The following TRIM66 variants were observed in gnomAD, a reference collection of about 807,000 sequenced individuals.
TRIM66 encodes tripartite motif containing 66.
TRIM66 carries 99 observed loss-of-function variants against 148.2 expected under a neutral mutation model. That is an observed-to-expected ratio of 0.67 (90% confidence interval 0.57 to 0.79). The LOEUF is 0.79. Among genes scored for constraint, TRIM66 ranks in the 30% least tolerant of loss-of-function variants. The probability of loss-of-function intolerance (pLI) is 0.00; values close to 1 mark genes in which losing one functional copy is unlikely to be tolerated. For synonymous variants in TRIM66, 616 were observed against 635.9 expected, an observed-to-expected ratio of 0.97 and a Z score of 0.47; for missense variants, 1,666 against 1,697.9, an observed-to-expected ratio of 0.98 and a Z score of 0.33.
chr11:8,632,614 T>A (rs2035521152), intron 15 of TRIM66, among the ~76,000 whole-genome samples: 1 of 151,986 alleles, frequency 6.6e-6, no homozygotes, highest in Non-Finnish European at 1.5e-5. Context: ...TCCACCACCA[T>A]GCCCAGCTAA....
At chr11:8,683,176 C>G, upstream of TRIM66, 2 of 1,613,348 alleles carry the variant, frequency 1.2e-6, no homozygotes, top group South Asian at 1.1e-5. Flanking sequence ...TTCCTTAGGC[C>G]TTACCACCAA....
rs2033739567 is a variant in TRIM66, at chr11:8,616,647, T to G, written c.*1297A>C. 6.6e-6 allele frequency: 1 copy of G among 152,218 alleles called. No individual in the cohort carries two copies. The highest frequency in any genetic ancestry group is 1.5e-5 in the Non-Finnish European group (1 of 68,060). 9.4% of individuals were successfully genotyped at this position (152,218 alleles called of 1,614,324 possible). ...TCCCATGGCTTCCAGAATGCTTCTC[T>G]CTGCATTCTAGGAGAACTAAGGCTC... On this transcript the variant is annotated 3_prime_UTR_variant, in exon 25 of 25. Transcript: ENST00000646038.
At chr11:8,643,903 A>T (rs939016478) in intron 12 of TRIM66, among the ~76,000 whole-genome samples, 2 of 152,128 alleles carry the variant, frequency 1.3e-5, no homozygotes, top group Non-Finnish European at 2.9e-5. Flanking sequence ...GGGCTTTGGC[A>T]AGTGTCCAAC....
At chr11:8,632,977 A>T (rs1351658928) in intron 15 of TRIM66, among the ~76,000 whole-genome samples, 1 of 152,188 alleles carries the variant, frequency 6.6e-6, no homozygotes, top group Non-Finnish European at 1.5e-5. Context: ...GAGGACAGAA[A>T]AAGTAAAGAG....
At chr11:8,625,357 G>T in intron 15 of TRIM66, 129 bp from the exon 16 acceptor site, 1 of 939,482 alleles carries the variant, frequency 1.1e-6, no homozygotes, top group South Asian at 2.1e-5. Context: ...GGTAGCTGCT[G>T]GTAGCTGCCA....
At chr11:8,664,295 T>C (rs1023750646) in intron 6 of TRIM66, among the ~76,000 whole-genome samples, 7 of 152,216 alleles carry the variant, frequency 4.6e-5, no homozygotes, top group African/African-American at 1.4e-4. Flanking sequence ...AAAATATTTA[T>C]ATTTGCTGGC....
chr11:8,625,154 C>A lies in TRIM66; in HGVS notation c.2385G>T (p.Arg795Ser). 6.5e-7 allele frequency: 1 copy of A among 1,546,210 alleles called. No individual in the cohort carries two copies. The highest frequency in any genetic ancestry group is 8.7e-7 in the Non-Finnish European group (1 of 1,143,328). The change falls in exon 16 of 25, where the codon AGG (arginine) becomes AGT (serine). Residue 795 changes from arginine to serine, a missense_variant. Physicochemically the swap from Arg to Ser is moderately radical, Grantham distance 110 (BLOSUM62 -1). Coordinates refer to ENST00000646038, the MANE Select transcript of TRIM66 (RefSeq NM_001388022.1). The part of the protein sequence containing the change: ...EMELSSTRLE[R>S]PLEPQIQSVS... ...CACTCTGGATCTGTGGCTCTAGGGG[C>A]CTCTCCAACCTGGTAGATGACAACT...
chr11:8,663,187 A>G (rs1437295143), intron 6 of TRIM66: 1 of 152,208 alleles, frequency 6.6e-6, no homozygotes, highest in Non-Finnish European at 1.5e-5. Flanking sequence ...TCTCCTCAGT[A>G]CCTGAGAGGT....
At chr11:8,618,686 C>T in intron 24 of TRIM66, 64 bp downstream of exon 24, 1 of 1,443,958 alleles carries the variant, frequency 6.9e-7, no homozygotes, top group Non-Finnish European at 9.4e-7. Flanking sequence ...TTAGGTTCTG[C>T]TTGGGTGCCC....
intron 6 of TRIM66, among the ~76,000 whole-genome samples, chr11:8,655,087 T>C (rs746740533): frequency 6.6e-6 from 1 of 152,170 alleles, no homozygotes; most frequent in Non-Finnish European, 1.5e-5. Context: ...CTCGAACTCC[T>C]GACCTCAAGT....
At chr11:8,638,563 C>T in intron 15 of TRIM66, 91 bp downstream of exon 15, 2 of 1,423,382 alleles carry the variant, frequency 1.4e-6, no homozygotes, top group Non-Finnish European at 1.9e-6. Context: ...AGGGACGCTC[C>T]TCCCCCCACC....
chr11:8,624,041 A>G (rs1477256820), intron 17 of TRIM66, among the ~76,000 whole-genome samples: 1 of 152,136 alleles, frequency 6.6e-6, no homozygotes, highest in Non-Finnish European at 1.5e-5. Context: ...TTTTCCCTAT[A>G]ACATTTTGTC....
chr11:8,629,966 C>G (rs140857962), intron 15 of TRIM66, among the ~76,000 whole-genome samples: 24 of 152,178 alleles, frequency 1.6e-4, no homozygotes, highest in African/African-American at 5.3e-4. Context: ...TTTCTGAAAC[C>G]TATATATGCT....
chr11:8,620,134 CAG>C lies in TRIM66; in HGVS notation c.3673-12_3673-11del. 2 of 1,551,424 alleles carry C rather than the reference CAG, an allele frequency of 1.3e-6. No homozygotes were observed. The highest frequency in any genetic ancestry group is 1.7e-6 in the Non-Finnish European group (2 of 1,146,770). ...CCAGCTTCTCACACTTCTGCAAAATCAGAATTGGCAACAGAGTCACTTTGTTC... is the reference window on the plus strand; with the variant it reads ...CCAGCTTCTCACACTTCTGCAAAATCAATTGGCAACAGAGTCACTTTGTTC... On this transcript the variant is annotated splice_polypyrimidine_tract_variant and intron_variant, in intron 21 of 24. Transcript: ENST00000646038.
At chr11:8,651,689 G>A in intron 7 of TRIM66, 111 bp downstream of exon 7, 3 of 890,088 alleles carry the variant, frequency 3.4e-6, no homozygotes, top group Non-Finnish European at 5.5e-6. Flanking sequence ...GAAAACTGAT[G>A]GAGAAGTAAC....
chr11:8,625,271 G>A, intron 15 of TRIM66, 43 bp from the exon 16 acceptor site: 1 of 1,455,840 alleles, frequency 6.9e-7, no homozygotes, highest in Non-Finnish European at 9.1e-7. Context: ...CTGCTAGCTG[G>A]GAATGGAGGG....
intron 12 of TRIM66, among the ~76,000 whole-genome samples, chr11:8,644,171 T>A (rs1458217449): frequency 2.0e-5 from 3 of 152,134 alleles, no homozygotes; most frequent in Non-Finnish European, 4.4e-5. Context: ...CTTCCCAGCT[T>A]CCTTTCATTT....
chr11:8,671,764 C>A, intron 6 of TRIM66, 22 bp downstream of exon 6: 1 of 1,062,896 alleles, frequency 9.4e-7, no homozygotes, highest in Non-Finnish European at 1.4e-6. Context: ...GGGAGGTGAA[C>A]TTGTGGTGCC....
At chr11:8,619,112 G>T in intron 23 of TRIM66, 144 bp from the exon 24 acceptor site, 2 of 821,308 alleles carry the variant, frequency 2.4e-6, no homozygotes, top group Non-Finnish European at 3.8e-6. Flanking sequence ...TAGGACTCAG[G>T]AAAACTAGTT....
Sources: allele counts gnomAD v4.1 joint callset (sites outside exome capture counted in the v4.1 genomes callset), GRCh38; gene constraint gnomAD v4.1.1; transcripts MANE v1.5; gene names NCBI Gene and HGNC (gene_info 2026-07-23, HGNC 2026-07-21).